SLC17A5: variants seen among roughly 807,000 people sequenced by gnomAD.
SLC17A5 encodes the protein solute carrier family 17 member 5, also known as sialin.
In SLC17A5, 47 loss-of-function variants were observed where a neutral mutation model predicts 59.4. That is an observed-to-expected ratio of 0.79 (90% CI 0.63 to 1.01). The LOEUF is 1.01. SLC17A5 is among the 50% of genes least tolerant of loss of function. The pLI, the probability that SLC17A5 is intolerant of heterozygous loss-of-function variation, is 0.00. For synonymous variants in SLC17A5, 202 were observed against 210.7 expected (o/e 0.96, Z 0.36); for missense variants, 522 against 595.5 (o/e 0.88, Z 1.28).
intron 6 of SLC17A5, chr6:73,635,121 T>G (rs930870551): frequency 1.8e-5 from 4 of 220,826 alleles, no homozygotes; most frequent in African/African-American, 9.1e-5. Flanking sequence ...AAATGTTTTG[T>G]AGAGAAAGGG....
At chr6:73,610,230 C>T (rs1337290246) in intron 9 of SLC17A5, among the ~76,000 whole-genome samples, 170 bp downstream of exon 9, 4 of 152,096 alleles carry the variant, frequency 2.6e-5, no homozygotes, top group African/African-American at 7.2e-5. Context: ...GATAGGGCTT[C>T]GCCATGTTGG....
intron 9 of SLC17A5, among the ~76,000 whole-genome samples, chr6:73,604,703 G>T (rs1767316333): frequency 6.6e-6 from 1 of 152,168 alleles, no homozygotes; most frequent in African/African-American, 2.4e-5. Flanking sequence ...GTGAGCCGTG[G>T]TCTTGCTGCT....
At chr6:73,627,100 C>T (rs1581975566) in intron 6 of SLC17A5, among the ~76,000 whole-genome samples, 1 of 142,714 alleles carries the variant, frequency 7.0e-6, no homozygotes, top group African/African-American at 2.7e-5. Flanking sequence ...TTTCTTGAGA[C>T]GGAGTCTCGC....
chr6:73,629,158 C>T (rs969468467), intron 6 of SLC17A5, among the ~76,000 whole-genome samples: 5 of 152,002 alleles, frequency 3.3e-5, no homozygotes, highest in African/African-American at 1.2e-4. Context: ...GAGGCTGAGG[C>T]AGGCAGATCA....
intron 7 of SLC17A5, among the ~76,000 whole-genome samples, chr6:73,620,805 T>C (rs1768106220): frequency 1.3e-5 from 2 of 151,990 alleles, no homozygotes; most frequent in African/African-American, 4.8e-5. Context: ...CACTGCAACC[T>C]TCGCCTCCTG....
chr6:73,602,556 C>G (rs1767192541), intron 9 of SLC17A5, among the ~76,000 whole-genome samples: 1 of 152,052 alleles, frequency 6.6e-6, no homozygotes, highest in Admixed American at 6.6e-5. Context: ...GGGTGGATCA[C>G]GAGGTCAGGA....
chr6:73,648,981 T>C (rs1482472409), intron 1 of SLC17A5, among the ~76,000 whole-genome samples: 1 of 151,498 alleles, frequency 6.6e-6, no homozygotes, highest in Non-Finnish European at 1.5e-5. Context: ...TTAAGTTTAA[T>C]AACATAAAAT....
intron 2 of SLC17A5, among the ~76,000 whole-genome samples, chr6:73,643,272 C>T (rs1269763599): frequency 4.0e-5 from 6 of 149,914 alleles, no homozygotes; most frequent in Non-Finnish European, 5.9e-5. Context: ...ACCATTCCCC[C>T]GCTTCAGCCT....
At position 73,644,616 on chromosome 6, in the gene SLC17A5, T is replaced by G; in HGVS notation, c.95-13A>C. On this transcript the variant is annotated splice_polypyrimidine_tract_variant and intron_variant, in intron 1 of 10. Coordinates refer to ENST00000355773, the MANE Select transcript of SLC17A5 (RefSeq NM_012434.5). The stretch of plus-strand genomic sequence containing the variant: ...CAGCACACTGGAGCTGAAATAAAGA[T>G]TGGGGAAAATTTTTATTTATTTTTA... 1 of 1,608,592 alleles carries G rather than the reference T, an allele frequency of 6.2e-7. No homozygotes were observed. The highest frequency in any genetic ancestry group is 8.5e-7 in the Non-Finnish European group (1 of 1,176,654).
In SLC17A5 at chr6:73,635,477, G is replaced by T. The variant is rs757218186; in HGVS notation, c.724C>A (p.Leu242Ile). ...FFGTIGIFWFLLWIWLVSDTP... is the reference protein window; with the variant it reads ...FFGTIGIFWFILWIWLVSDTP... The stretch of plus-strand genomic sequence containing the variant: ...TCACTAACTAACCAGATCCACAAAA[G>T]AAACCAAAATATTCCAATAGTACCT... The change falls in exon 6 of 11, where the codon CTT (leucine) becomes ATT (isoleucine). Residue 242 changes from leucine (L) to isoleucine (I), a missense_variant. Leu to Ile is a conservative substitution (Grantham distance 5). Transcript: ENST00000355773. The T allele has an allele frequency of 3.1e-6, 5 of 1,592,888 alleles. No individual in the cohort carries two copies. The highest frequency in any genetic ancestry group is 1.7e-5 in the Admixed American group (1 of 59,572).
chr6:73,653,498 T>TCCCCCC lies in SLC17A5; in HGVS notation c.94+294_94+295insGGGGGG, dbSNP rs1562004003. The TCCCCCC allele has an allele frequency of 4.2e-6, 4 of 951,360 alleles. No individual in the cohort carries two copies. The African/African-American group carries it at 5.9e-5, about 14-fold the overall frequency. 58.9% of individuals were successfully genotyped at this position (951,360 alleles called of 1,614,324 possible). The stretch of plus-strand genomic sequence containing the variant: ...AGCTCAGCGCCGGCTGCACCGCCGC[T>TCCCCCC]CCCCCGCCCCCGCCCCCGCCCCCGC... On this transcript the variant is annotated intron_variant, in intron 1 of 10. Coordinates refer to ENST00000355773, the MANE Select transcript of SLC17A5 (RefSeq NM_012434.5).
intron 7 of SLC17A5, chr6:73,618,244 G>GAAATAAAATAAAATAAAATA (rs372079299): frequency 1.4e-5 from 2 of 141,170 alleles, no homozygotes; most frequent in Admixed American, 7.6e-5. Context: ...AAAATAAAAT[G>GAAATAAAATAAAATAAAATA]AAATAAAATA....
intron 1 of SLC17A5, chr6:73,653,447 G>C (rs1432474622): frequency 2.0e-6 from 2 of 985,328 alleles, no homozygotes; most frequent in Non-Finnish European, 2.4e-6. Context: ...TGGGTCCCTT[G>C]CTCAGCACTA....
At position 73,641,813 on chromosome 6, in the gene SLC17A5, C is replaced by T; in HGVS notation, c.403G>A (p.Gly135Arg). Residue 135 changes from glycine to arginine, a missense_variant, in exon 3 of 11, where the codon GGG becomes AGG. Gly to Arg is a moderately radical substitution (Grantham distance 125, BLOSUM62 -2). This residue lies in a region of SLC17A5 where 338 missense variants were observed against 363.8 expected (regional missense o/e 0.93). Coordinates refer to ENST00000355773, the MANE Select transcript of SLC17A5 (RefSeq NM_012434.5). ...ATCCCAAATCCTAGCAGCATTTTCC[C>T]CCCTATTTTGCTGGCAACATATCCT... is the stretch of plus-strand genomic sequence containing the variant. ...PGGYVASKIG[G>R]KMLLGFGILG... 1.9e-6 allele frequency: 3 copies of T among 1,614,140 alleles called. No homozygotes were observed. Among genetic ancestry groups the T allele is most frequent in the South Asian group, 1.1e-5 (1 of 91,068 alleles).
chr6:73,604,090 C>T (rs1231300096), intron 9 of SLC17A5, among the ~76,000 whole-genome samples: 1 of 152,040 alleles, frequency 6.6e-6, no homozygotes, highest in African/African-American at 2.4e-5. Context: ...TGGCTCATCC[C>T]CTTTAGGGGT....
At chr6:73,601,080 T>C in intron 9 of SLC17A5, among the ~76,000 whole-genome samples, 2 of 134,030 alleles carry the variant, frequency 1.5e-5, no homozygotes, top group East Asian at 2.5e-4. Context: ...CCGGCCGCCA[T>C]CCCATCTAGG....
At chr6:73,637,262 C>G (rs1769059824) in intron 4 of SLC17A5, among the ~76,000 whole-genome samples, 2 of 152,108 alleles carry the variant, frequency 1.3e-5, no homozygotes, top group Non-Finnish European at 1.5e-5. Flanking sequence ...GACAGTTGAA[C>G]AGTTACTGAG....
intron 8 of SLC17A5, among the ~76,000 whole-genome samples, chr6:73,612,520 G>A (rs927925217): frequency 1.3e-5 from 2 of 152,084 alleles, no homozygotes; most frequent in Non-Finnish European, 2.9e-5. Flanking sequence ...GTCTCTACTG[G>A]AGACTTTTAA....
At chr6:73,649,021 GGAGTCTT>G (rs1769718206) in intron 1 of SLC17A5, among the ~76,000 whole-genome samples, 1 of 148,274 alleles carries the variant, frequency 6.7e-6, no homozygotes, top group Non-Finnish European at 1.5e-5. Context: ...TTTTGGAGAT[GGAGTCTT>G]TCTCTGTCTC....
Sources: gnomAD v4.1 joint callset for allele counts (sites outside exome capture counted in the v4.1 genomes callset) on GRCh38, gnomAD v4.1.1 for gene constraint, gnomAD v4.1.1 regional missense constraint, MANE v1.5 for transcripts, NCBI Gene and HGNC (gene_info 2026-07-23, HGNC 2026-07-21) for gene names.